MAP4: variants seen among roughly 807,000 people sequenced by gnomAD.
MAP4 encodes the protein microtubule associated protein 4.
A neutral mutation model predicts 170.2 loss-of-function variants in MAP4; 76 were observed. The observed-to-expected ratio is 0.45, with a 90% confidence interval of 0.37 to 0.54. MAP4 has a LOEUF of 0.54. Ranked by LOEUF, MAP4 falls within the 20% of genes least tolerant of loss-of-function variation. The pLI is 0.00. For synonymous variants in MAP4, 909 were observed against 994.5 expected (o/e 0.91, Z 1.62); for missense variants, 2,506 against 2,748.0 (o/e 0.91, Z 1.97).
intron 1 of MAP4, among the ~76,000 whole-genome samples, chr3:48,006,320 C>T (rs1454690457): frequency 6.6e-6 from 1 of 152,146 alleles, no homozygotes; most frequent in Non-Finnish European, 1.5e-5. Flanking sequence ...TCCAACCTTT[C>T]ACTTTGGGGA....
At chr3:47,980,082 C>G (rs573068361) in intron 2 of MAP4, among the ~76,000 whole-genome samples, 1 of 151,976 alleles carries the variant, frequency 6.6e-6, no homozygotes, top group Non-Finnish European at 1.5e-5. Flanking sequence ...ATCCTCCCAC[C>G]TTGGCCTCCC....
chr3:47,951,488 T>C (rs2100063794), intron 3 of MAP4, among the ~76,000 whole-genome samples: 1 of 152,220 alleles, frequency 6.6e-6, no homozygotes, highest in Admixed American at 6.5e-5. Context: ...TGCCTGCGAT[T>C]GCAGACGCGC....
At chr3:47,871,833 T>C in intron 13 of MAP4, 84 bp downstream of exon 13, 1 of 1,333,034 alleles carries the variant, frequency 7.5e-7, no homozygotes, top group Non-Finnish European at 1.0e-6. Context: ...CTGTTTGTGA[T>C]ACTAGCTAGA....
chr3:48,063,314 T>C (rs1290532931), intron 1 of MAP4, among the ~76,000 whole-genome samples: 2 of 151,688 alleles, frequency 1.3e-5, no homozygotes, highest in African/African-American at 2.4e-5. Flanking sequence ...GAATCACCTA[T>C]AGTCCCAGCT....
rs765328465 is a variant in MAP4 at position 47,909,983 on chromosome 3, C to T, written c.4438G>A (p.Asp1480Asn). Residue 1480 changes from aspartate to asparagine, a missense_variant, in exon 9 of 21, where the codon GAT becomes AAT. Asp to Asn is a conservative substitution (Grantham distance 23). Coordinates refer to ENST00000683076, the MANE Select transcript of MAP4 (RefSeq NM_001385682.1). ...GGGACTCCATCTTTGGTGTAGTTAT[C>T]TACCATTAATGATTTGGAAATCTGG... is the stretch of plus-strand genomic sequence containing the variant. The part of the protein sequence containing the change: ...PAQISKSLMV[D>N]NYTKDGVPGQ... The T allele has an allele frequency of 1.2e-6, 2 of 1,613,864 alleles. No individual in the cohort carries two copies. The highest frequency in any genetic ancestry group is 2.7e-5 in the African/African-American group (2 of 74,924).
At chr3:47,970,799 A>G (rs112182678) in intron 3 of MAP4, among the ~76,000 whole-genome samples, 1 of 152,336 alleles carries the variant, frequency 6.6e-6, no homozygotes, top group African/African-American at 2.4e-5. Context: ...CCTGGGCAAC[A>G]AGGGCGAAAC....
chr3:48,057,832 G>T (rs1490763993), intron 1 of MAP4, among the ~76,000 whole-genome samples: 1 of 152,104 alleles, frequency 6.6e-6, no homozygotes, highest in Non-Finnish European at 1.5e-5. Flanking sequence ...ACTGGGTAAA[G>T]TGTACAAGGG....
At chr3:47,892,902 C>A (rs2100024781) in intron 10 of MAP4, 2 of 989,902 alleles carry the variant, frequency 2.0e-6, no homozygotes, top group African/African-American at 1.7e-5. Flanking sequence ...TTATCTGATA[C>A]CATGCCCACC....
intron 10 of MAP4, among the ~76,000 whole-genome samples, chr3:47,885,411 C>T (rs936512047): frequency 1.3e-5 from 2 of 151,974 alleles, no homozygotes; most frequent in Admixed American, 1.3e-4. Context: ...TTCATCAGTC[C>T]CAGGGAATTC....
intron 1 of MAP4, among the ~76,000 whole-genome samples, chr3:48,035,941 C>G (rs1007603050): frequency 3.3e-5 from 5 of 151,868 alleles, no homozygotes; most frequent in East Asian, 1.9e-4. Flanking sequence ...CTCCATCCCC[C>G]CCTCTCAAAA....
chr3:48,078,153 T>G (rs2154568829), intron 1 of MAP4, among the ~76,000 whole-genome samples: 1 of 152,156 alleles, frequency 6.6e-6, no homozygotes, highest in South Asian at 2.1e-4. Flanking sequence ...TATGATTTTG[T>G]TTTGTTTTGT....
At chr3:48,068,264 CAAAAA>C (rs34691079) in intron 1 of MAP4, among the ~76,000 whole-genome samples, 1 of 106,700 alleles carries the variant, frequency 9.4e-6, no homozygotes, top group East Asian at 2.7e-4. Flanking sequence ...GATTCTGTCT[CAAAAA>C]AAAAAAAAAA....
intron 3 of MAP4, among the ~76,000 whole-genome samples, chr3:47,958,582 T>TCA (rs1284437790): frequency 6.6e-6 from 1 of 152,120 alleles, no homozygotes; most frequent in Non-Finnish European, 1.5e-5. Flanking sequence ...AGTGGTGCGA[T>TCA]CTTGACTCAC....
At chr3:47,923,222 C>T (rs1213797821) in intron 4 of MAP4, among the ~76,000 whole-genome samples, 1 of 151,916 alleles carries the variant, frequency 6.6e-6, no homozygotes, top group Admixed American at 6.6e-5. Flanking sequence ...GACACTAACA[C>T]ATCACTCCCT....
At chr3:48,027,686 A>T (rs1288268775) in intron 1 of MAP4, among the ~76,000 whole-genome samples, 1 of 152,132 alleles carries the variant, frequency 6.6e-6, no homozygotes, top group Non-Finnish European at 1.5e-5. Flanking sequence ...GTCTACAAAA[A>T]ATAAAAAAAA....
intron 1 of MAP4, among the ~76,000 whole-genome samples, chr3:48,044,635 C>T (rs1347673973): frequency 2.6e-5 from 4 of 151,906 alleles, no homozygotes; most frequent in Non-Finnish European, 5.9e-5. Flanking sequence ...TAGTGGCACA[C>T]GCCTGTAATC....
intron 1 of MAP4, among the ~76,000 whole-genome samples, chr3:48,005,951 C>T (rs1379961168): frequency 6.6e-6 from 1 of 152,216 alleles, no homozygotes; most frequent in East Asian, 1.9e-4. Flanking sequence ...GTGGGCGTAG[C>T]TACCGTAATG....
chr3:47,922,095 C>T (rs2100043234), intron 4 of MAP4, among the ~76,000 whole-genome samples: 2 of 151,900 alleles, frequency 1.3e-5, no homozygotes, highest in Admixed American at 1.3e-4. Context: ...TTACAGATGC[C>T]CGCCACCATG....
intron 3 of MAP4, among the ~76,000 whole-genome samples, chr3:47,940,131 C>G (rs1484958970): frequency 6.6e-6 from 1 of 152,158 alleles, no homozygotes; most frequent in Non-Finnish European, 1.5e-5. Context: ...AGCCACCACA[C>G]CTGGCCCAAA....
Sources: gnomAD v4.1 joint callset for allele counts (sites outside exome capture counted in the v4.1 genomes callset) on GRCh38, gnomAD v4.1.1 for gene constraint, MANE v1.5 for transcripts, NCBI Gene and HGNC (gene_info 2026-07-23, HGNC 2026-07-21) for gene names.